The following DNER variants were observed in gnomAD, a reference collection of about 807,000 sequenced individuals.
DNER encodes delta/notch like EGF repeat containing.
Under a neutral mutation model 78.2 loss-of-function variants are expected in DNER, and 33 were observed. The observed-to-expected ratio is 0.42, with a 90% CI of 0.32 to 0.56. The LOEUF (loss-of-function observed/expected upper bound fraction) is 0.56. Ranked by LOEUF, DNER falls within the 20% of genes least tolerant of loss-of-function variation. The pLI, the probability that DNER is intolerant of heterozygous loss-of-function variation, is 0.11. For synonymous variants in DNER, 417 were observed against 384.8 expected (o/e 1.08, Z -0.98); for missense variants, 918 against 975.3 (o/e 0.94, Z 0.78).
chr2:229,474,245 T>C (rs1297658707), intron 7 of DNER, among the ~76,000 whole-genome samples: 1 of 152,158 alleles, frequency 6.6e-6, no homozygotes, highest in African/African-American at 2.4e-5. Flanking sequence ...TCTATAAATA[T>C]GAGTTACTGC....
At position 229,385,276 on chromosome 2, in the gene DNER, C is replaced by G. The variant is rs371278613; in HGVS notation, c.1855+2989G>C. On this transcript the variant is annotated intron_variant, in intron 11 of 12. Transcript: ENST00000341772. ...AAGGCCTCTGATAAAGTTTAACACACCTTCATGCTAAAAACTCTCAATAAA... is the reference window on the plus strand; with the variant it reads ...AAGGCCTCTGATAAAGTTTAACACAGCTTCATGCTAAAAACTCTCAATAAA... 2.3e-4 allele frequency among the ~76,000 whole-genome samples: 35 copies of G among 152,190 alleles called. No individual in the cohort carries two copies. The East Asian group carries it at 4.8e-3, about 21-fold the overall frequency.
At chr2:229,561,911 C>A (rs1696966086) in intron 4 of DNER, among the ~76,000 whole-genome samples, 1 of 149,642 alleles carries the variant, frequency 6.7e-6, no homozygotes, top group Non-Finnish European at 1.5e-5. Context: ...TACAGAAATA[C>A]CGTATTGTAC....
At chr2:229,371,205 T>C (rs763176990) in intron 11 of DNER, among the ~76,000 whole-genome samples, 10 of 152,228 alleles carry the variant, frequency 6.6e-5, no homozygotes, top group African/African-American at 9.6e-5. Context: ...CTGGGATGGA[T>C]CTGGCTAAGT....
At chr2:229,700,835 C>T (rs1406033619) in intron 1 of DNER, among the ~76,000 whole-genome samples, 4 of 150,654 alleles carry the variant, frequency 2.7e-5, no homozygotes, top group African/African-American at 4.9e-5. Context: ...ACAGGAGAAT[C>T]GCCTGAACCC....
At chr2:229,564,642 AT>A in intron 4 of DNER, among the ~76,000 whole-genome samples, 3 of 148,188 alleles carry the variant, frequency 2.0e-5, no homozygotes, top group African/African-American at 7.6e-5. Flanking sequence ...TCCTCACCCC[AT>A]CACCACCATC....
chr2:229,668,053 T>C (rs1446349824), intron 1 of DNER, among the ~76,000 whole-genome samples: 2 of 152,150 alleles, frequency 1.3e-5, no homozygotes, highest in Admixed American at 1.3e-4. Flanking sequence ...TCTTGCCAAA[T>C]AGTGTCTCTT....
At chr2:229,407,156 A>ATTTGGG in intron 10 of DNER, 76 bp downstream of exon 10, 1 of 1,283,862 alleles carries the variant, frequency 7.8e-7, no homozygotes. Context: ...TTCATGATGG[A>ATTTGGG]TTTGGGTTTT....
intron 7 of DNER, among the ~76,000 whole-genome samples, chr2:229,475,845 C>T (rs1273613612): frequency 2.0e-5 from 3 of 152,062 alleles, no homozygotes; most frequent in Non-Finnish European, 4.4e-5. Context: ...CCAGGACGAC[C>T]CTGCAGGCTG....
chr2:229,388,752 G>T (rs1003576725), intron 10 of DNER, among the ~76,000 whole-genome samples: 1 of 147,214 alleles, frequency 6.8e-6, no homozygotes, highest in Non-Finnish European at 1.5e-5. Context: ...ATCTTTCCGG[G>T]TTGATCAGAA....
At chr2:229,669,846 A>G (rs1051311837) in intron 1 of DNER, among the ~76,000 whole-genome samples, 1 of 152,130 alleles carries the variant, frequency 6.6e-6, no homozygotes, top group African/African-American at 2.4e-5. Flanking sequence ...AGATCATAAC[A>G]TTTTTTCTAA....
chr2:229,574,980 G>A (rs1321655889), intron 4 of DNER, among the ~76,000 whole-genome samples: 4 of 152,122 alleles, frequency 2.6e-5, no homozygotes, highest in African/African-American at 7.2e-5. Flanking sequence ...AAGAAAAAGG[G>A]AAAGTTTTAA....
chr2:229,654,137 C>G (rs1328529114), intron 1 of DNER, among the ~76,000 whole-genome samples: 7 of 151,962 alleles, frequency 4.6e-5, no homozygotes, highest in African/African-American at 1.7e-4. Context: ...ACCACATGCC[C>G]CGGTGTGTGA....
chr2:229,436,208 TTC>T (rs1694117016), intron 8 of DNER, among the ~76,000 whole-genome samples: 1 of 152,190 alleles, frequency 6.6e-6, no homozygotes, highest in South Asian at 2.1e-4. Flanking sequence ...ATATTTGGTT[TTC>T]TGTTTCTGTA....
Position 229,593,404 on chromosome 2 carries a change from C to G in DNER, c.277-1516G>C, listed in dbSNP as rs73998287. ...GACGTTGCACGGCTTTCTTCCTCAT[C>G]TCATTCCATCCTCTACTCAAATGCT... is the stretch of plus-strand genomic sequence containing the variant. On this transcript the variant is annotated intron_variant, in intron 1 of 12. Coordinates refer to ENST00000341772, the MANE Select transcript of DNER (RefSeq NM_139072.4). Among the ~76,000 whole-genome samples the G allele has an allele frequency of 9.0e-3, 1,373 of 152,298 alleles. 33 individuals are homozygous for G. Among genetic ancestry groups the G allele is most frequent in the African/African-American group, 0.031 (1,303 of 41,548 alleles).
At position 229,588,340 on chromosome 2, in the gene DNER, C is replaced by T. The variant is rs1697537847; in HGVS notation, c.680+54G>A. ...CCAGGTCCGCGGATGGACACAACCC[C>T]ACTTATAGGTCATAGCATCACTCTT... is the stretch of plus-strand genomic sequence containing the variant. On this transcript the variant is annotated intron_variant, in intron 3 of 12. Coordinates refer to ENST00000341772, the MANE Select transcript of DNER (RefSeq NM_139072.4). 3 of 1,554,456 alleles carry T rather than the reference C, an allele frequency of 1.9e-6. No individual in the cohort carries two copies. In the South Asian group the frequency reaches 3.4e-5, roughly 18 times the overall value.
chr2:229,538,496 C>A (rs186072951), intron 5 of DNER, among the ~76,000 whole-genome samples: 16 of 152,172 alleles, frequency 1.1e-4, no homozygotes, highest in African/African-American at 3.4e-4. Flanking sequence ...TCCTGAGTAG[C>A]TGGGATTATA....
intron 7 of DNER, among the ~76,000 whole-genome samples, chr2:229,458,040 G>A (rs968510003): frequency 6.9e-6 from 1 of 145,558 alleles, no homozygotes; most frequent in Non-Finnish European, 1.5e-5. Context: ...GGCGGCTAAG[G>A]CAGGAGAATC....
intron 7 of DNER, among the ~76,000 whole-genome samples, chr2:229,476,475 A>G (rs996497262): frequency 9.8e-5 from 15 of 152,308 alleles, no homozygotes; most frequent in Admixed American, 2.6e-4. Flanking sequence ...TGTCAATGTT[A>G]CTTCTGTGGA....
At chr2:229,616,360 T>C (rs1189403724) in intron 1 of DNER, among the ~76,000 whole-genome samples, 1 of 143,470 alleles carries the variant, frequency 7.0e-6, no homozygotes, top group Non-Finnish European at 1.5e-5. Context: ...TACTTATTAC[T>C]GATTTTTTTT....
Sources: allele counts gnomAD v4.1 joint callset (sites outside exome capture counted in the v4.1 genomes callset), GRCh38; gene constraint gnomAD v4.1.1; transcripts MANE v1.5; gene names NCBI Gene and HGNC (gene_info 2026-07-23, HGNC 2026-07-21).